The following ALDOB variants were observed in gnomAD, a reference collection of about 807,000 sequenced individuals.
The protein encoded by ALDOB is aldolase, fructose-bisphosphate B, also known as fructose-bisphosphate aldolase B.
A neutral mutation model predicts 41.0 loss-of-function variants in ALDOB; 39 were observed. The observed-to-expected ratio is 0.95, with a 90% CI of 0.74 to 1.24. The LOEUF is 1.24. Ranked by LOEUF, ALDOB falls within the 50% of genes most tolerant of loss-of-function variation. ALDOB has a pLI of 0.00. For missense variants in ALDOB, 530 were observed against 457.3 expected (o/e 1.16, Z -1.45); for synonymous variants, 175 against 168.8 (o/e 1.04, Z -0.28).
intron 3 of ALDOB, among the ~76,000 whole-genome samples, chr9:101,429,540 A>C (rs1435653032): frequency 9.2e-5 from 14 of 152,170 alleles, no homozygotes; most frequent in Non-Finnish European, 2.9e-5. Context: ...AGATGCAAAG[A>C]GATTAAGAAC....
rs1831282387 is a variant in ALDOB at position 101,435,772 on chromosome 9, A to G, written c.-74T>C. The G allele has an allele frequency of 6.6e-6, 1 of 152,094 alleles. No homozygotes were observed. Among genetic ancestry groups the G allele is most frequent in the African/African-American group, 2.4e-5 (1 of 41,400 alleles). 9.4% of individuals were successfully genotyped at this position (152,094 alleles called of 1,614,324 possible). A position where few individuals can be genotyped will look rare whatever the true frequency, so the allele number is the denominator to read the frequency against. On this transcript the variant is annotated 5_prime_UTR_variant, in exon 1 of 9. Coordinates refer to ENST00000647789, the MANE Select transcript of ALDOB (RefSeq NM_000035.4). ...GTGGGTGAGGCAGCAGCTGCCAAAT[A>G]AGACAGATCTTTGGTAGCACACAAT...
chr9:101,427,514 C>T lies in ALDOB; in HGVS notation c.508G>A (p.Ala170Thr), dbSNP rs538037262. ...SSLAIQENANALARYASICQQ... is the reference protein window; with the variant it reads ...SSLAIQENANTLARYASICQQ... ...CAGATGCTGGCGTAGCGAGCCAGGGCGTTGGCGTTTTCCTGGATAGCGAGG... is the reference window on the plus strand; with the variant it reads ...CAGATGCTGGCGTAGCGAGCCAGGGTGTTGGCGTTTTCCTGGATAGCGAGG... The change falls in exon 5 of 9, where the codon GCC (alanine) becomes ACC (threonine). Residue 170 changes from alanine (A) to threonine (T), a missense_variant. Transcript: ENST00000647789. 147 of 1,614,184 alleles carry T rather than the reference C, an allele frequency of 9.1e-5. No individual in the cohort carries two copies. The South Asian group carries it at 1.4e-3, about 15-fold the overall frequency.
Position 101,421,752 on chromosome 9 carries a change from G to T in ALDOB, c.*57C>A. On this transcript the variant is annotated 3_prime_UTR_variant, in exon 9 of 9. Coordinates refer to ENST00000647789, the MANE Select transcript of ALDOB (RefSeq NM_000035.4). ...AATTTCCAGGATTGGAGGAAAAGTT[G>T]CTCCCTTTCAGCCCTCCTACTAGAA... The T allele has an allele frequency of 1.4e-6, 2 of 1,390,874 alleles. No individual in the cohort carries two copies. The highest frequency in any genetic ancestry group is 2.0e-6 in the Non-Finnish European group (2 of 979,250). 86.2% of individuals were successfully genotyped at this position (1,390,874 alleles called of 1,614,324 possible).
At chr9:101,432,372 A>G (rs1831231664) in intron 1 of ALDOB, among the ~76,000 whole-genome samples, 1 of 152,180 alleles carries the variant, frequency 6.6e-6, no homozygotes. Context: ...CCCTGTTTAT[A>G]TATTAGCTGT....
intron 1 of ALDOB, among the ~76,000 whole-genome samples, chr9:101,435,258 T>C (rs1029627799): frequency 6.6e-6 from 1 of 152,104 alleles, no homozygotes; most frequent in Non-Finnish European, 1.5e-5. Flanking sequence ...TCGGTACCAG[T>C]AGGTGTGGGA....
At chr9:101,426,155 C>G (rs537081906) in intron 6 of ALDOB, among the ~76,000 whole-genome samples, 54 of 152,234 alleles carry the variant, frequency 3.5e-4, no homozygotes, top group Non-Finnish European at 6.9e-4. Context: ...ATAGAACCAC[C>G]CTCTTTCAGA....
At chr9:101,428,355 G>T in intron 4 of ALDOB, 114 bp downstream of exon 4, 1 of 957,282 alleles carries the variant, frequency 1.0e-6, no homozygotes. Flanking sequence ...CCAGGTACGT[G>T]TGGCTCTAAG....
intron 2 of ALDOB, 94 bp downstream of exon 2, chr9:101,430,682 T>C: frequency 1.0e-6 from 1 of 993,406 alleles, no homozygotes; most frequent in Non-Finnish European, 1.6e-6. Context: ...ACATAAACCT[T>C]TACTTCCATA....
Position 101,427,660 on chromosome 9 carries a change from G to A in ALDOB, c.380-18C>T, listed in dbSNP as rs377276079. 1.2e-6 allele frequency: 2 copies of A among 1,613,860 alleles called. No individual in the cohort carries two copies. The highest frequency in any genetic ancestry group is 1.7e-6 in the Non-Finnish European group (2 of 1,180,002). ...ATCAAGCCCTGCAAGTCACAAAAGAGAGAAAGGCTTCTTTGTACCTTTGTA... is the reference window on the plus strand; with the variant it reads ...ATCAAGCCCTGCAAGTCACAAAAGAAAGAAAGGCTTCTTTGTACCTTTGTA... On this transcript the variant is annotated intron_variant, in intron 4 of 8. Transcript: ENST00000647789.
intron 1 of ALDOB, among the ~76,000 whole-genome samples, chr9:101,435,185 G>A (rs2118376415): frequency 6.6e-6 from 1 of 152,302 alleles, no homozygotes; most frequent in Non-Finnish European, 1.5e-5. Flanking sequence ...CATTTGAGCA[G>A]TGGGTGAAGG....
Position 101,434,008 on chromosome 9 carries a change from G to A in ALDOB, c.-11+1701C>T, listed in dbSNP as rs189427593. Among the ~76,000 whole-genome samples the A allele has an allele frequency of 1.5e-4, 23 of 152,038 alleles. No homozygotes were observed. The East Asian group carries it at 4.1e-3, about 27-fold the overall frequency. On this transcript the variant is annotated intron_variant, in intron 1 of 8. Transcript: ENST00000647789. ...GCTTGTCTTGAACTCCTGAGTTCAC[G>A]CGATCCTCCCACCTTGGCCTCGCAA...
At chr9:101,425,684 ACCTTGG>A (rs1180492500) in intron 6 of ALDOB, 57 bp from the exon 7 acceptor site, 1 of 1,581,810 alleles carries the variant, frequency 6.3e-7, no homozygotes. Context: ...GAGCCACTTG[ACCTTGG>A]CACATTTACA....
rs4577 is a variant in ALDOB at position 101,421,740 on chromosome 9, G to C, written c.*69C>G. The C allele has an allele frequency of 8.1e-7, 1 of 1,235,054 alleles. No homozygotes were observed. The highest frequency in any genetic ancestry group is 1.2e-5 in the South Asian group (1 of 81,688). 76.5% of individuals were successfully genotyped at this position (1,235,054 alleles called of 1,614,324 possible). A position where few individuals can be genotyped will look rare whatever the true frequency, so the allele number is the denominator to read the frequency against. On this transcript the variant is annotated 3_prime_UTR_variant, in exon 9 of 9. Transcript: ENST00000647789. ...CTAATTGTGTCGAATTTCCAGGATT[G>C]GAGGAAAAGTTGCTCCCTTTCAGCC...
chr9:101,428,005 T>C (rs1314492973), intron 4 of ALDOB, among the ~76,000 whole-genome samples: 1 of 152,182 alleles, frequency 6.6e-6, no homozygotes, highest in Admixed American at 6.5e-5. Flanking sequence ...TAACCCAATG[T>C]TGTGAGTTAA....
chr9:101,425,424 C>T (rs1376947730), intron 7 of ALDOB, 29 bp downstream of exon 7: 1 of 1,613,106 alleles, frequency 6.2e-7, no homozygotes, highest in South Asian at 1.1e-5. Flanking sequence ...GGGCTAAGAC[C>T]TTGAGTTAGA....
intron 1 of ALDOB, among the ~76,000 whole-genome samples, chr9:101,433,010 C>G (rs543889446): frequency 1.3e-5 from 2 of 152,220 alleles, no homozygotes; most frequent in Non-Finnish European, 2.9e-5. Context: ...GCTGGAACCT[C>G]AGGCAAGTCA....
intron 8 of ALDOB, among the ~76,000 whole-genome samples, chr9:101,422,802 G>A (rs534167095): frequency 2.0e-5 from 3 of 152,282 alleles, no homozygotes; most frequent in Non-Finnish European, 4.4e-5. Flanking sequence ...AATATTTGGA[G>A]TGAATACCCT....
chr9:101,422,080 T>TA (rs1433258388), intron 8 of ALDOB, among the ~76,000 whole-genome samples, 176 bp from the exon 9 acceptor site: 6 of 152,224 alleles, frequency 3.9e-5, no homozygotes, highest in Non-Finnish European at 4.4e-5. Flanking sequence ...CTCCCCTTTT[T>TA]ATCCCAGTTT....
At chr9:101,426,493 C>G in intron 6 of ALDOB, 62 bp downstream of exon 6, 1 of 1,015,680 alleles carries the variant, frequency 9.8e-7, no homozygotes, top group Admixed American at 1.7e-5. Context: ...TGTTAAGTAA[C>G]AGCTGTTACC....
Sources: gnomAD v4.1 joint callset for allele counts (sites outside exome capture counted in the v4.1 genomes callset) on GRCh38, gnomAD v4.1.1 for gene constraint, MANE v1.5 for transcripts, NCBI Gene and HGNC (gene_info 2026-07-23, HGNC 2026-07-21) for gene names.